Variants in FBXL13 observed in about 807,000 individuals in gnomAD.
FBXL13 encodes the protein F-box and leucine rich repeat protein 13.
In FBXL13, 67 loss-of-function variants were observed where a neutral mutation model predicts 83.6. The ratio of observed to expected loss-of-function variants is 0.80; its 90% CI spans 0.66 to 0.98. The LOEUF is 0.98. Ranked by LOEUF, FBXL13 falls within the 50% of genes least tolerant of loss-of-function variation. The pLI, the probability that FBXL13 is intolerant of heterozygous loss-of-function variation, is 0.00. For missense variants in FBXL13, 822 were observed against 866.5 expected, an observed-to-expected ratio of 0.95 and a Z score of 0.64; for synonymous variants, 272 against 299.5, an observed-to-expected ratio of 0.91 and a Z score of 0.95.
intron 6 of FBXL13, among the ~76,000 whole-genome samples, chr7:103,010,166 T>C (rs1426990232): frequency 6.6e-6 from 1 of 151,524 alleles, no homozygotes; most frequent in Non-Finnish European, 1.5e-5. Flanking sequence ...TCCCGGGAAA[T>C]ACCTGGATGG....
chr7:103,044,469 C>T (rs534470098), intron 2 of FBXL13, among the ~76,000 whole-genome samples: 1 of 152,188 alleles, frequency 6.6e-6, no homozygotes, highest in Non-Finnish European at 1.5e-5. Flanking sequence ...GACAGTGGCA[C>T]TGTGTTTCTA....
chr7:102,858,868 T>C (rs1806404254), intron 16 of FBXL13, among the ~76,000 whole-genome samples: 1 of 152,194 alleles, frequency 6.6e-6, no homozygotes, highest in South Asian at 2.1e-4. Flanking sequence ...TGACTGCTAA[T>C]GGGAAGGGCT....
chr7:102,898,695 G>T (rs913749022), intron 11 of FBXL13, among the ~76,000 whole-genome samples: 59 of 152,248 alleles, frequency 3.9e-4, no homozygotes, highest in African/African-American at 1.3e-3. Flanking sequence ...GTGGGAAGTA[G>T]ATTTCATCTG....
intron 8 of FBXL13, among the ~76,000 whole-genome samples, chr7:102,957,323 G>A (rs1365722481): frequency 6.6e-6 from 1 of 152,158 alleles, no homozygotes. Flanking sequence ...GGGAAAATTG[G>A]CTAGCCATAT....
chr7:103,023,296 G>C (rs1384947999), intron 6 of FBXL13, among the ~76,000 whole-genome samples: 1 of 149,800 alleles, frequency 6.7e-6, no homozygotes, highest in Admixed American at 6.6e-5. Context: ...AAACAAAACA[G>C]AACAAAACAA....
At chr7:102,896,639 G>T (rs1351437409) in intron 11 of FBXL13, among the ~76,000 whole-genome samples, 2 of 152,160 alleles carry the variant, frequency 1.3e-5, no homozygotes, top group Admixed American at 6.5e-5. Context: ...GGAAGGATTT[G>T]TCCCAGGCCC....
chr7:102,839,507 C>T (rs1233024526), intron 17 of FBXL13, among the ~76,000 whole-genome samples: 1 of 152,214 alleles, frequency 6.6e-6, no homozygotes, highest in Non-Finnish European at 1.5e-5. Flanking sequence ...GCCCCCTTCA[C>T]AGTGGCATGA....
chr7:102,887,806 C>T (rs547382977), intron 11 of FBXL13, among the ~76,000 whole-genome samples: 39 of 152,308 alleles, frequency 2.6e-4, no homozygotes, highest in Non-Finnish European at 4.4e-4. Context: ...GACCAAACAA[C>T]TAGGCACTAT....
At chr7:102,936,891 C>G (rs55681588) in intron 8 of FBXL13, among the ~76,000 whole-genome samples, 23,506 of 151,878 alleles carry the variant, frequency 0.15, 1,858 homozygotes, top group Middle Eastern at 0.21. Flanking sequence ...TTCCCTCCCC[C>G]AATGAGCCTA....
exon 7 of FBXL13, chr7:102,968,065 T>C: frequency 1.2e-6 from 2 of 1,614,008 alleles, no homozygotes; most frequent in South Asian, 2.2e-5. Context: ...CATCCAGGCA[T>C]GATTAACTTG....
chr7:102,811,833 C>T (rs1797452356), downstream of FBXL13, among the ~76,000 whole-genome samples: 2 of 152,132 alleles, frequency 1.3e-5, no homozygotes, highest in South Asian at 4.1e-4. Context: ...GATTCTGTTG[C>T]CTGTGTGCCC....
chr7:102,977,140 C>T (rs1029535977), intron 6 of FBXL13, among the ~76,000 whole-genome samples: 3 of 152,156 alleles, frequency 2.0e-5, no homozygotes, highest in African/African-American at 7.2e-5. Flanking sequence ...TGCAATGGAT[C>T]ATCGAATATT....
chr7:102,948,624 C>T (rs546587853), intron 8 of FBXL13, among the ~76,000 whole-genome samples: 24 of 151,766 alleles, frequency 1.6e-4, no homozygotes, highest in African/African-American at 5.8e-4. Flanking sequence ...GGGGTTTCAC[C>T]ATGTTAGCCA....
At chr7:103,028,619 G>A in exon 4 of FBXL13, 1 of 1,575,268 alleles carries the variant, frequency 6.3e-7, no homozygotes. Context: ...TTTCTTTCTG[G>A]TCTTCCATAT....
chr7:103,044,524 T>C (rs1585530796), intron 2 of FBXL13, among the ~76,000 whole-genome samples: 1 of 137,784 alleles, frequency 7.3e-6, no homozygotes, highest in African/African-American at 2.6e-5. Flanking sequence ...CACTACAGTA[T>C]AATATAATTT....
intron 11 of FBXL13, among the ~76,000 whole-genome samples, chr7:102,896,183 C>A (rs1017798319): frequency 2.0e-5 from 3 of 152,172 alleles, no homozygotes; most frequent in African/African-American, 7.2e-5. Flanking sequence ...TAGGTCCTTC[C>A]AAGGCTTTTC....
At chr7:102,864,050 T>G (rs1807267504) in intron 16 of FBXL13, among the ~76,000 whole-genome samples, 1 of 152,234 alleles carries the variant, frequency 6.6e-6, no homozygotes, top group Non-Finnish European at 1.5e-5. Flanking sequence ...TTATGTTTCT[T>G]GTGCACAAAT....
chr7:102,905,863 CTG>C (rs1335186590), intron 11 of FBXL13, among the ~76,000 whole-genome samples: 1 of 152,116 alleles, frequency 6.6e-6, no homozygotes, highest in Non-Finnish European at 1.5e-5. Flanking sequence ...GATAACAACA[CTG>C]TTTGCATAAA....
intron 8 of FBXL13, among the ~76,000 whole-genome samples, chr7:102,942,614 G>A (rs1403403836): frequency 6.6e-6 from 1 of 152,112 alleles, no homozygotes; most frequent in Non-Finnish European, 1.5e-5. Flanking sequence ...GTAAATCTGT[G>A]AGATCACTGA....
Sources: gnomAD v4.1 joint callset for allele counts (sites outside exome capture counted in the v4.1 genomes callset) on GRCh38, gnomAD v4.1.1 for gene constraint, MANE v1.5 for transcripts, NCBI Gene and HGNC (gene_info 2026-07-23, HGNC 2026-07-21) for gene names.